TNRC6B: variants seen among roughly 807,000 people sequenced by gnomAD.
The protein encoded by TNRC6B is trinucleotide repeat containing adaptor 6B.
TNRC6B carries 52 observed loss-of-function variants against 203.6 expected under a neutral mutation model. The ratio of observed to expected loss-of-function variants is 0.26; its 90% CI spans 0.20 to 0.32. The LOEUF is 0.32. TNRC6B is among the 10% of genes least tolerant of loss of function. TNRC6B has a pLI of 1.00. For missense variants in TNRC6B, 1,923 were observed against 2,286.2 expected (o/e 0.84, Z 3.24); for synonymous variants, 838 against 845.7 (o/e 0.99, Z 0.16).
intron 15 of TNRC6B, 165 bp downstream of exon 15, chr22:40,301,498 A>G: frequency 3.9e-6 from 3 of 770,238 alleles, no homozygotes; most frequent in Non-Finnish European, 4.0e-6. Context: ...CTTGAGTTTC[A>G]GTGGGTTTCC....
chr22:40,157,610 A>G (rs2068829351), intron 4 of TNRC6B, among the ~76,000 whole-genome samples: 2 of 152,146 alleles, frequency 1.3e-5, no homozygotes, highest in Non-Finnish European at 1.5e-5. Context: ...ATGCACTTAC[A>G]TTTTGCATGG....
In TNRC6B at chr22:40,325,705, T is replaced by G. The variant is rs1316077236; in HGVS notation, c.*2464T>G. Reference sequence around the variant, plus strand: ...CCACCAGGTGAAGAGCAGCTTGTATTCAGACATCTAGAGAAGGTTAAATCT... The same window carrying G: ...CCACCAGGTGAAGAGCAGCTTGTATGCAGACATCTAGAGAAGGTTAAATCT... On this transcript the variant is annotated 3_prime_UTR_variant, in exon 23 of 23. Coordinates refer to ENST00000454349, the MANE Select transcript of TNRC6B (RefSeq NM_001162501.2). The G allele has an allele frequency of 6.5e-6, 1 of 152,688 alleles. No homozygotes were observed. Among genetic ancestry groups the G allele is most frequent in the Non-Finnish European group, 1.5e-5 (1 of 68,070 alleles). The allele number at this position is 152,688 out of a possible 1,614,324, so 9.5% of individuals were successfully genotyped here.
chr22:40,091,406 G>C (rs1010597964), intron 1 of TNRC6B, among the ~76,000 whole-genome samples: 1 of 151,616 alleles, frequency 6.6e-6, no homozygotes, highest in African/African-American at 2.4e-5. Context: ...CCACCATCGG[G>C]TACAGTTGGA....
At chr22:40,267,926 C>T (rs375773027) in intron 5 of TNRC6B, among the ~76,000 whole-genome samples, 2 of 152,070 alleles carry the variant, frequency 1.3e-5, no homozygotes, top group African/African-American at 2.4e-5. Flanking sequence ...AACTTTCTTC[C>T]GTCACTATTT....
At chr22:40,238,479 C>T (rs2069979474) in intron 1 of TNRC6B, among the ~76,000 whole-genome samples, 1 of 152,184 alleles carries the variant, frequency 6.6e-6, no homozygotes, top group South Asian at 2.1e-4. Flanking sequence ...CCGCCCCCAA[C>T]CACCGAATCC....
At position 40,221,831 on chromosome 22, in the gene TNRC6B, C is replaced by T. The variant is rs979891986; in HGVS notation, c.6-24184C>T. Among the ~76,000 whole-genome samples, 3 of 150,724 alleles carry T rather than the reference C, an allele frequency of 2.0e-5. No homozygotes were observed. The East Asian group carries it at 5.9e-4, about 30-fold the overall frequency. ...CCAAGGCTCCCACTGGACATTCTGC[C>T]CAAATACCTGTCCTTACCCAGGTGT... On this transcript the variant is annotated intron_variant, in intron 1 of 22. Coordinates refer to ENST00000454349, the MANE Select transcript of TNRC6B (RefSeq NM_001162501.2).
At chr22:40,270,761 T>C (rs1367228171) in intron 6 of TNRC6B, among the ~76,000 whole-genome samples, 1 of 152,238 alleles carries the variant, frequency 6.6e-6, no homozygotes, top group Non-Finnish European at 1.5e-5. Context: ...GGTTGTGGCT[T>C]GGCTTGGCGT....
At chr22:40,219,319 G>A (rs1311987668) in intron 1 of TNRC6B, among the ~76,000 whole-genome samples, 13 of 152,192 alleles carry the variant, frequency 8.5e-5, no homozygotes, top group Non-Finnish European at 1.5e-5. Flanking sequence ...AGGAGAGCTT[G>A]GAGTAGGAAG....
chr22:40,158,721 ATTCTGTTCTAT>A (rs1393108954), intron 4 of TNRC6B, among the ~76,000 whole-genome samples: 1 of 152,174 alleles, frequency 6.6e-6, no homozygotes, highest in East Asian at 1.9e-4. Flanking sequence ...TCACAGATGA[ATTCTGTTCTAT>A]TTCTGTTTTC....
At position 40,261,874 on chromosome 22, in the gene TNRC6B, C is replaced by T. The variant is rs751172838; in HGVS notation, c.158C>T (p.Ala53Val). The change falls in exon 4 of 23, where the codon GCC becomes GTC. Residue 53 changes from alanine to valine, a missense_variant. Ala to Val is a moderately conservative substitution (Grantham distance 64). Coordinates refer to ENST00000454349, the MANE Select transcript of TNRC6B (RefSeq NM_001162501.2). ...CCAAGTTTAAGCCAACCAACGGCCG[C>T]CAGCCCAATTGGCAGCTCTCCATCG... ...TKPSLSQPTA[A>V]SPIGSSPSPP... 7 of 1,587,228 alleles carry T rather than the reference C, an allele frequency of 4.4e-6. No individual in the cohort carries two copies. In the Admixed American group the frequency reaches 6.7e-5, roughly 15 times the overall value.
intron 12 of TNRC6B, among the ~76,000 whole-genome samples, chr22:40,288,171 T>A (rs968573575): frequency 3.9e-5 from 6 of 152,256 alleles, no homozygotes; most frequent in African/African-American, 1.4e-4. Flanking sequence ...GGAAAAGGTG[T>A]TTGCTTTGCT....
At chr22:40,264,268 C>T (rs1223321858) in intron 4 of TNRC6B, among the ~76,000 whole-genome samples, 2 of 152,144 alleles carry the variant, frequency 1.3e-5, no homozygotes, top group Non-Finnish European at 2.9e-5. Context: ...AGGAGTTCAG[C>T]TTTATTCTTG....
In TNRC6B at chr22:40,312,984, T is replaced by C; in HGVS notation, c.4665T>C (p.Val1555=). Residue 1555 remains valine (V), a synonymous_variant, in exon 19 of 23, where the codon GTT becomes GTC. Transcript: ENST00000454349. The part of the protein sequence containing the change: ...YSASDNSFTN[V]HSTSAKFPDY... ...CCTCTGACAACTCCTTTACCAACGT[T>C]CATAGCACTTCAGGTATGAGTGTGA... 6.2e-7 allele frequency: 1 copy of C among 1,613,536 alleles called. No homozygotes were observed.
chr22:40,258,306 T>G (rs549240514), intron 3 of TNRC6B, among the ~76,000 whole-genome samples: 1 of 152,200 alleles, frequency 6.6e-6, no homozygotes, highest in African/African-American at 2.4e-5. Context: ...CTCTTGCCCT[T>G]TATCGTCTAA....
At chr22:40,272,551 A>G (rs954121298) in intron 6 of TNRC6B, among the ~76,000 whole-genome samples, 1 of 152,156 alleles carries the variant, frequency 6.6e-6, no homozygotes, top group Non-Finnish European at 1.5e-5. Flanking sequence ...CAGGCAAGAG[A>G]ATGTGTTTCC....
At chr22:40,293,190 CTTTTTTTTTTTTT>C (rs748230080) in intron 12 of TNRC6B, among the ~76,000 whole-genome samples, 2 of 79,454 alleles carry the variant, frequency 2.5e-5, no homozygotes, top group African/African-American at 4.8e-5. Flanking sequence ...ATATCCTTTT[CTTTTTTTTTTTTT>C]TTTTTTTTTT....
intron 1 of TNRC6B, among the ~76,000 whole-genome samples, chr22:40,083,698 A>G (rs1180449148): frequency 6.6e-6 from 1 of 152,022 alleles, no homozygotes; most frequent in African/African-American, 2.4e-5. Context: ...GAGAGAGGGG[A>G]TGGGATCAGG....
intron 21 of TNRC6B, among the ~76,000 whole-genome samples, chr22:40,317,329 C>G (rs570654987): frequency 6.6e-6 from 1 of 152,184 alleles, no homozygotes; most frequent in African/African-American, 2.4e-5. Context: ...CCTGTAATCC[C>G]AGCACTTTGG....
chr22:40,151,563 A>AAACT (rs1317618850), intron 3 of TNRC6B, among the ~76,000 whole-genome samples: 1 of 151,144 alleles, frequency 6.6e-6, no homozygotes, highest in Non-Finnish European at 1.5e-5. Flanking sequence ...GAAAAAAGAA[A>AAACT]AAAACTAAAA....
Sources: allele counts gnomAD v4.1 joint callset (sites outside exome capture counted in the v4.1 genomes callset), GRCh38; gene constraint gnomAD v4.1.1; transcripts MANE v1.5; gene names NCBI Gene and HGNC (gene_info 2026-07-23, HGNC 2026-07-21).